The following HMMR variants were observed in gnomAD, a reference collection of about 807,000 sequenced individuals.
HMMR encodes intracellular hyaluronic acid-binding protein.
In HMMR, 108 loss-of-function variants were observed where a neutral mutation model predicts 101.0. The observed-to-expected ratio is 1.07, with a 90% confidence interval of 0.92 to 1.25. The LOEUF is 1.25. Ranked by LOEUF, HMMR falls within the 50% of genes most tolerant of loss-of-function variation. HMMR has a pLI of 0.00. For synonymous variants in HMMR, 296 were observed against 276.4 expected (o/e 1.07, Z -0.70); for missense variants, 813 against 788.7 (o/e 1.03, Z -0.37).
At chr5:163,468,761 C>G (rs1456481863) in intron 4 of HMMR, among the ~76,000 whole-genome samples, 6 of 152,080 alleles carry the variant, frequency 3.9e-5, no homozygotes, top group Admixed American at 3.9e-4. Flanking sequence ...ATAATTTACA[C>G]CAGTGACTTC....
At chr5:163,470,346 C>G (rs1471039840) in intron 5 of HMMR, among the ~76,000 whole-genome samples, 1 of 151,574 alleles carries the variant, frequency 6.6e-6, no homozygotes, top group Admixed American at 6.6e-5. Context: ...AACAGGCCAG[C>G]CACAGTGGCT....
chr5:163,480,612 T>C (rs1040913098), intron 12 of HMMR, among the ~76,000 whole-genome samples: 2 of 151,262 alleles, frequency 1.3e-5, no homozygotes, highest in South Asian at 2.1e-4. Flanking sequence ...CACTTTCCAA[T>C]GTGGGAGTAA....
chr5:163,476,678 A>G (rs758642578), intron 11 of HMMR, among the ~76,000 whole-genome samples: 1 of 152,114 alleles, frequency 6.6e-6, no homozygotes, highest in Non-Finnish European at 1.5e-5. Context: ...CAAATGAGAA[A>G]AAATAATTAT....
intron 7 of HMMR, among the ~76,000 whole-genome samples, chr5:163,472,047 A>ATTTTTTT (rs1366088758): frequency 6.8e-6 from 1 of 146,404 alleles, no homozygotes; most frequent in African/African-American, 2.6e-5. Flanking sequence ...TATTATTATT[A>ATTTTTTT]TTATTTATTT....
At chr5:163,465,963 C>CAA (rs113595179) in intron 3 of HMMR, among the ~76,000 whole-genome samples, 18 of 85,632 alleles carry the variant, frequency 2.1e-4, no homozygotes, top group East Asian at 2.0e-3. Context: ...TCAGTCTCTC[C>CAA]AAAAAAAAAA....
chr5:163,473,330 C>T (rs1758957473), intron 8 of HMMR, 49 bp from the exon 9 acceptor site: 1 of 1,526,300 alleles, frequency 6.6e-7, no homozygotes, highest in East Asian at 2.3e-5. Flanking sequence ...CTGTTATTTT[C>T]CCTGTGCCTA....
chr5:163,468,405 AAC>A (rs1758767541), intron 4 of HMMR, among the ~76,000 whole-genome samples: 3 of 152,180 alleles, frequency 2.0e-5, no homozygotes, highest in Admixed American at 2.0e-4. Flanking sequence ...TAACCTAAAG[AAC>A]CCATTTACTT....
intron 12 of HMMR, among the ~76,000 whole-genome samples, chr5:163,479,818 T>G (rs1263386873): frequency 6.6e-6 from 1 of 152,204 alleles, no homozygotes; most frequent in Non-Finnish European, 1.5e-5. Context: ...TTTTCTTCTC[T>G]TGACAGAGAA....
Position 163,473,443 on chromosome 5 carries a change from GAGA to G in HMMR, c.795_797del (p.Lys265del). 1 of 1,610,112 alleles carries G rather than the reference GAGA, an allele frequency of 6.2e-7. No homozygotes were observed. The highest frequency in any genetic ancestry group is 8.5e-7 in the Non-Finnish European group (1 of 1,177,240). ...TGCCCAGTTAGAAGAAAATTTGAAAGAGAAGAATGATGAAATTTTAAGCCTTAA... is the reference window on the plus strand; with the variant it reads ...TGCCCAGTTAGAAGAAAATTTGAAAGAGAATGATGAAATTTTAAGCCTTAA... On this transcript the variant is annotated inframe_deletion, in exon 9 of 18. Coordinates refer to ENST00000393915, the MANE Select transcript of HMMR (RefSeq NM_001142556.2).
chr5:163,491,929 G>C lies in HMMR; in HGVS notation c.*765G>C, dbSNP rs1413380668. On this transcript the variant is annotated 3_prime_UTR_variant, in exon 18 of 18. Coordinates refer to ENST00000393915, the MANE Select transcript of HMMR (RefSeq NM_001142556.2). The stretch of plus-strand genomic sequence containing the variant: ...AATATGAAATAAAATTACACAGTAA[G>C]TCATTTAACCAATTAATTTTTCAGC... The C allele has an allele frequency of 2.0e-5, 3 of 152,166 alleles. No homozygotes were observed. Among genetic ancestry groups the C allele is most frequent in the South Asian group, 4.1e-4 (2 of 4,836 alleles). The allele number at this position is 152,166 out of a possible 1,614,324, so 9.4% of individuals were successfully genotyped here.
rs545174608 is a variant in HMMR, at chr5:163,491,875, T to C, written c.*711T>C. 26 of 152,338 alleles carry C rather than the reference T, an allele frequency of 1.7e-4. No homozygotes were observed. In the East Asian group the frequency reaches 5.0e-3, roughly 29 times the overall value. 9.4% of individuals were successfully genotyped at this position (152,338 alleles called of 1,614,324 possible). On this transcript the variant is annotated 3_prime_UTR_variant, in exon 18 of 18. Coordinates refer to ENST00000393915, the MANE Select transcript of HMMR (RefSeq NM_001142556.2). ...TCATATACTGCTTGTCATCTGCATGTCTACTCAGCATTTGATTAACATTTG... is the reference window on the plus strand; with the variant it reads ...TCATATACTGCTTGTCATCTGCATGCCTACTCAGCATTTGATTAACATTTG...
At position 163,474,220 on chromosome 5, in the gene HMMR, TA is replaced by T; in HGVS notation, c.1053+16del. ...AACAAGAGAAAGTAATTTACCACCA[TA>T]TTTTTTTAAACTGTTCATTTTGTGT... On this transcript the variant is annotated intron_variant, in intron 10 of 17. Transcript: ENST00000393915. 1.3e-6 allele frequency: 2 copies of T among 1,590,948 alleles called. No individual in the cohort carries two copies. The highest frequency in any genetic ancestry group is 1.7e-6 in the Non-Finnish European group (2 of 1,166,680).
intron 3 of HMMR, 149 bp downstream of exon 3, chr5:163,464,951 A>G (rs1758651508): frequency 1.7e-6 from 1 of 599,882 alleles, no homozygotes; most frequent in Non-Finnish European, 2.9e-6. Context: ...TTAGAACTCT[A>G]GCAAGTTTTA....
Position 163,482,650 on chromosome 5 carries a change from C to T in HMMR, c.1394C>T (p.Ala465Val), listed in dbSNP as rs779134207. 6.2e-6 allele frequency: 10 copies of T among 1,608,792 alleles called. No homozygotes were observed. In the East Asian group the frequency reaches 6.7e-5, roughly 11 times the overall value. ...TTTTTCTTTTTAATAAGCTATAAAGCGTTAACAGCCAGTGAGATAGAAGAT... is the reference window on the plus strand; with the variant it reads ...TTTTTCTTTTTAATAAGCTATAAAGTGTTAACAGCCAGTGAGATAGAAGAT... The part of the protein sequence containing the change: ...DVTAQFESYK[A>V]LTASEIEDLK... Residue 465 changes from alanine (A) to valine (V), a missense_variant, in exon 13 of 18, where the codon GCG becomes GTG. Ala to Val is a moderately conservative substitution (Grantham distance 64). Transcript: ENST00000393915.
chr5:163,476,877 G>T (rs1759085134), intron 11 of HMMR, among the ~76,000 whole-genome samples: 1 of 151,914 alleles, frequency 6.6e-6, no homozygotes, highest in Non-Finnish European at 1.5e-5. Flanking sequence ...AAAATACATA[G>T]TAAATTAGCC....
chr5:163,490,543 T>C lies in HMMR; in HGVS notation c.2116T>C (p.Leu706=), dbSNP rs1175795014. Residue 706 remains leucine, a synonymous_variant, in exon 17 of 18, where the codon TTA becomes CTA. Coordinates refer to ENST00000393915, the MANE Select transcript of HMMR (RefSeq NM_001142556.2). ...AGAAAATTTTGCCCTGAAGACCCCA[T>C]TAAAAGAAGGTAAGACATGAATAAA... The part of the protein sequence containing the change: ...SKENFALKTP[L]KEGNTNCYRA... The C allele has an allele frequency of 2.5e-6, 4 of 1,594,788 alleles. No homozygotes were observed. The highest frequency in any genetic ancestry group is 3.4e-6 in the Non-Finnish European group (4 of 1,172,982).
intron 1 of HMMR, among the ~76,000 whole-genome samples, chr5:163,463,029 G>C (rs1480658961): frequency 6.6e-6 from 1 of 152,092 alleles, no homozygotes; most frequent in Non-Finnish European, 1.5e-5. Flanking sequence ...CTTTAGGCTA[G>C]TAGTATTTTA....
At position 163,471,378 on chromosome 5, in the gene HMMR, C is replaced by A; in HGVS notation, c.565C>A (p.Gln189Lys). 1.9e-6 allele frequency: 3 copies of A among 1,613,982 alleles called. No individual in the cohort carries two copies. The highest frequency in any genetic ancestry group is 1.7e-6 in the Non-Finnish European group (2 of 1,179,938). The part of the protein sequence containing the change: ...ETKMRGMMAK[Q>K]EGMEMKLQVT... ...TGTTGTGTAGGGTATGATGGCTAAGCAAGAAGGCATGGAGATGAAGCTGCA... is the reference window on the plus strand; with the variant it reads ...TGTTGTGTAGGGTATGATGGCTAAGAAAGAAGGCATGGAGATGAAGCTGCA... Residue 189 changes from glutamine (Q) to lysine (K), a missense_variant, in exon 7 of 18, where the codon CAA becomes AAA. Physicochemically the swap from Gln to Lys is moderately conservative, Grantham distance 53. Coordinates refer to ENST00000393915, the MANE Select transcript of HMMR (RefSeq NM_001142556.2).
intron 11 of HMMR, among the ~76,000 whole-genome samples, chr5:163,478,221 AT>A (rs1400197722): frequency 6.6e-6 from 1 of 152,226 alleles, no homozygotes; most frequent in African/African-American, 2.4e-5. Flanking sequence ...GTAATAGAGT[AT>A]TATGTGGGTT....
Sources: allele counts gnomAD v4.1 joint callset (sites outside exome capture counted in the v4.1 genomes callset), GRCh38; gene constraint gnomAD v4.1.1; transcripts MANE v1.5; gene names NCBI Gene and HGNC (gene_info 2026-07-23, HGNC 2026-07-21).